HHAT: variants seen among roughly 807,000 people sequenced by gnomAD.
The protein encoded by HHAT is hedgehog acyltransferase.
In HHAT, 47 loss-of-function variants were observed where a neutral mutation model predicts 70.8. The ratio of observed to expected loss-of-function variants is 0.66; its 90% confidence interval spans 0.53 to 0.85. The LOEUF (loss-of-function observed/expected upper bound fraction) is 0.85, where lower values mean the gene tolerates loss of function less well. Among genes scored for constraint, HHAT ranks in the 40% least tolerant of loss-of-function variants. HHAT has a pLI of 0.00. For synonymous variants in HHAT, 228 were observed against 247.6 expected (o/e 0.92, Z 0.74); for missense variants, 609 against 604.8 (o/e 1.01, Z -0.07).
At position 210,535,056 on chromosome 1, in the gene HHAT, G is replaced by A. The variant is rs1011667452; in HGVS notation, c.1043+21868G>A. ...TTTTCTTAACCAGGCTTCCTGACCA[G>A]CCTCTGCTTTTTGTAGAATTGTTTA... On this transcript the variant is annotated intron_variant, in intron 9 of 11. Coordinates refer to ENST00000261458, the MANE Select transcript of HHAT (RefSeq NM_018194.6). 8.5e-5 allele frequency among the ~76,000 whole-genome samples: 13 copies of A among 152,234 alleles called. 1 individual carries two copies. In the South Asian group the frequency reaches 1.9e-3, roughly 22 times the overall value.
intron 8 of HHAT, among the ~76,000 whole-genome samples, chr1:210,474,275 T>C (rs1467274184): frequency 6.6e-6 from 1 of 152,120 alleles, no homozygotes; most frequent in Non-Finnish European, 1.5e-5. Flanking sequence ...CCCACTCCTT[T>C]GAGGAAGAGA....
At chr1:210,589,977 A>G (rs1397446625) in intron 10 of HHAT, 2 of 152,214 alleles carry the variant, frequency 1.3e-5, no homozygotes, top group East Asian at 3.8e-4. Context: ...GAGCAAGAAT[A>G]TATGAAACTT....
chr1:210,459,415 T>C, intron 7 of HHAT, among the ~76,000 whole-genome samples: 1 of 152,176 alleles, frequency 6.6e-6, no homozygotes, highest in East Asian at 1.9e-4. Flanking sequence ...TATTAAGTGC[T>C]GGGAATGCAA....
chr1:210,352,149 C>T (rs2087091270), intron 2 of HHAT, among the ~76,000 whole-genome samples: 1 of 152,204 alleles, frequency 6.6e-6, no homozygotes, highest in South Asian at 2.1e-4. Context: ...CGAGGGGTTC[C>T]TTTGCGGATA....
At chr1:210,582,333 A>G (rs1390776432) in intron 9 of HHAT, among the ~76,000 whole-genome samples, 2 of 152,182 alleles carry the variant, frequency 1.3e-5, no homozygotes, top group African/African-American at 4.8e-5. Context: ...TGCCTGCCCC[A>G]GCCCGGCCGA....
At chr1:210,444,767 G>A (rs2148372026) in intron 7 of HHAT, among the ~76,000 whole-genome samples, 1 of 152,030 alleles carries the variant, frequency 6.6e-6, no homozygotes, top group East Asian at 1.9e-4. Context: ...TTCCACCTCA[G>A]CCTCCCAAAG....
intron 1 of HHAT, among the ~76,000 whole-genome samples, chr1:210,334,394 C>T (rs1273749958): frequency 6.6e-6 from 1 of 151,544 alleles, no homozygotes; most frequent in African/African-American, 2.4e-5. Context: ...GGGCTCAAGT[C>T]GTCTGCCCAC....
intron 9 of HHAT, among the ~76,000 whole-genome samples, chr1:210,580,826 T>C (rs1659104417): frequency 6.6e-6 from 1 of 152,170 alleles, no homozygotes; most frequent in Non-Finnish European, 1.5e-5. Context: ...TTTATAGTCC[T>C]TTGGTTATAT....
intron 9 of HHAT, among the ~76,000 whole-genome samples, chr1:210,548,012 C>T (rs2095498525): frequency 6.6e-6 from 1 of 152,138 alleles, no homozygotes; most frequent in South Asian, 2.1e-4. Flanking sequence ...AGGAAACAGT[C>T]CAAGAAGGTC....
intron 10 of HHAT, among the ~76,000 whole-genome samples, chr1:210,608,670 C>A (rs533229894): frequency 5.3e-5 from 8 of 152,168 alleles, no homozygotes; most frequent in Admixed American, 5.2e-4. Context: ...TTGTCTTAGT[C>A]CATTTGTGCT....
At chr1:210,574,966 G>GTGAGA (rs1273512144) in intron 9 of HHAT, among the ~76,000 whole-genome samples, 8 of 152,228 alleles carry the variant, frequency 5.3e-5, no homozygotes. Context: ...TAGGATGTGA[G>GTGAGA]TGAGAGGCAG....
chr1:210,445,462 T>C (rs1381352268), intron 7 of HHAT, among the ~76,000 whole-genome samples: 1 of 152,248 alleles, frequency 6.6e-6, no homozygotes, highest in Admixed American at 6.5e-5. Context: ...TTACTAGTTT[T>C]AAGGTATTCC....
chr1:210,489,466 G>A (rs1044701288), intron 8 of HHAT, among the ~76,000 whole-genome samples: 2 of 152,206 alleles, frequency 1.3e-5, no homozygotes, highest in Non-Finnish European at 2.9e-5. Context: ...CTTCATGAGA[G>A]AGAAGCAGGC....
chr1:210,653,076 G>A (rs73065524), intron 11 of HHAT, among the ~76,000 whole-genome samples: 2,042 of 152,146 alleles, frequency 0.013, 51 homozygotes, highest in African/African-American at 0.044. Flanking sequence ...AATCACTTAC[G>A]GCATATCCAT....
At chr1:210,395,575 T>C (rs2091737993) in intron 4 of HHAT, among the ~76,000 whole-genome samples, 1 of 152,090 alleles carries the variant, frequency 6.6e-6, no homozygotes, top group African/African-American at 2.4e-5. Context: ...CTATTGGAGA[T>C]TTCCCCCAAC....
intron 3 of HHAT, chr1:210,369,891 G>A (rs1004833174): frequency 1.3e-5 from 2 of 152,200 alleles, no homozygotes; most frequent in African/African-American, 2.4e-5. Context: ...GACAGGGAGG[G>A]GATAGATCGT....
At position 210,406,477 on chromosome 1, in the gene HHAT, T is replaced by G. The variant is rs574307065; in HGVS notation, c.684+1798T>G. 4.0e-5 allele frequency among the ~76,000 whole-genome samples: 6 copies of G among 151,496 alleles called. No homozygotes were observed. In the East Asian group the frequency reaches 9.7e-4, roughly 24 times the overall value. ...GGTGTAATCTCAGCTTACTGCAACC[T>G]CCACCTCCTGGGTTCAAGTGATTCC... is the stretch of plus-strand genomic sequence containing the variant. On this transcript the variant is annotated intron_variant, in intron 6 of 11. Coordinates refer to ENST00000261458, the MANE Select transcript of HHAT (RefSeq NM_018194.6).
At chr1:210,645,844 C>T (rs1004655428) in intron 11 of HHAT, among the ~76,000 whole-genome samples, 3 of 152,176 alleles carry the variant, frequency 2.0e-5, no homozygotes, top group African/African-American at 7.2e-5. Flanking sequence ...GCACTGGAAA[C>T]CCCTTACCCA....
intron 4 of HHAT, among the ~76,000 whole-genome samples, chr1:210,390,415 A>C (rs949206577): frequency 2.0e-5 from 3 of 152,216 alleles, no homozygotes; most frequent in Non-Finnish European, 4.4e-5. Context: ...CTTATTAGGA[A>C]GATATTAAAA....
Sources: allele counts gnomAD v4.1 joint callset (sites outside exome capture counted in the v4.1 genomes callset), GRCh38; gene constraint gnomAD v4.1.1; transcripts MANE v1.5; gene names NCBI Gene and HGNC (gene_info 2026-07-23, HGNC 2026-07-21).